The following DOCK1 variants were observed in gnomAD, a reference collection of about 807,000 sequenced individuals.
The protein encoded by DOCK1 is dedicator of cytokinesis 1.
DOCK1 carries 138 observed loss-of-function variants against 262.7 expected under a neutral mutation model. That is an observed-to-expected ratio of 0.53 (90% CI 0.46 to 0.61). The LOEUF (loss-of-function observed/expected upper bound fraction) is 0.61. DOCK1 is among the 20% of genes least tolerant of loss of function. DOCK1 has a pLI of 0.00. For missense variants in DOCK1, 1,908 were observed against 2,370.7 expected (o/e 0.80, Z 4.05); for synonymous variants, 866 against 867.4 (o/e 1.00, Z 0.03).
intron 23 of DOCK1, among the ~76,000 whole-genome samples, chr10:127,086,420 AT>A: frequency 6.6e-6 from 1 of 152,316 alleles, no homozygotes. Context: ...GTTTGGCATG[AT>A]TTTAGAAGTT....
At chr10:127,343,785 C>G (rs1384139823) in intron 31 of DOCK1, 39 bp downstream of exon 31, 1 of 1,470,808 alleles carries the variant, frequency 6.8e-7, no homozygotes, top group Non-Finnish European at 9.3e-7. Context: ...AGGCAGGAGC[C>G]TCCAACTCTA....
intron 29 of DOCK1, among the ~76,000 whole-genome samples, chr10:127,324,966 G>C (rs577208356): frequency 6.6e-6 from 1 of 152,052 alleles, no homozygotes; most frequent in Non-Finnish European, 1.5e-5. Flanking sequence ...TAGAACACAG[G>C]GTCCAGCGTT....
intron 1 of DOCK1, among the ~76,000 whole-genome samples, chr10:126,967,796 C>T (rs907144942): frequency 6.6e-6 from 1 of 152,134 alleles, no homozygotes. Context: ...AGGATTAACG[C>T]TCATCTCAAG....
chr10:127,016,858 A>AAC, intron 12 of DOCK1, among the ~76,000 whole-genome samples: 1 of 123,176 alleles, frequency 8.1e-6, no homozygotes, highest in South Asian at 2.7e-4. Flanking sequence ...AGATACCATA[A>AAC]ACACACACAC....
At chr10:127,093,006 G>A (rs1043742509) in intron 23 of DOCK1, among the ~76,000 whole-genome samples, 3 of 152,034 alleles carry the variant, frequency 2.0e-5, no homozygotes, top group African/African-American at 7.3e-5. Flanking sequence ...AAGTCCAAGA[G>A]CAAGGCATCA....
At chr10:127,025,948 C>T (rs544052209) in intron 15 of DOCK1, 9 of 212,674 alleles carry the variant, frequency 4.2e-5, no homozygotes, top group African/African-American at 1.7e-4. Context: ...CCCAGCTACT[C>T]GAGAGGCTGA....
In DOCK1 at chr10:127,032,190, G is replaced by T; in HGVS notation, c.1782G>T (p.Thr594=). 1 of 1,599,384 alleles carries T rather than the reference G, an allele frequency of 6.3e-7. No homozygotes were observed. The highest frequency in any genetic ancestry group is 1.1e-5 in the South Asian group (1 of 88,244). Residue 594 remains threonine, a synonymous_variant, in exon 18 of 52, where the codon ACG becomes ACT. Coordinates refer to ENST00000623213, the MANE Select transcript of DOCK1 (RefSeq NM_001290223.2). ...CCACGTACTTGAGTCTGCCCTCCAC[G>T]AAGGCAGAGTTGGAAGAAAAGGGCC... is the stretch of plus-strand genomic sequence containing the variant. ...DAATYLSLPS[T]KAELEEKGHS...
In DOCK1 at chr10:126,996,901, A is replaced by G. The variant is rs775853404; in HGVS notation, c.609+18A>G. ...AGGAAAAAGTAAGTTTGACTCTGTC[A>G]TATGCCATTCACGTTTTCTCAGTAA... On this transcript the variant is annotated intron_variant, in intron 7 of 51. Transcript: ENST00000623213. The G allele has an allele frequency of 1.5e-5, 23 of 1,568,650 alleles. No individual in the cohort carries two copies. Among genetic ancestry groups the G allele is most frequent in the Non-Finnish European group, 1.9e-5 (22 of 1,163,204 alleles).
At chr10:127,400,176 C>T (rs2134290124) in intron 38 of DOCK1, among the ~76,000 whole-genome samples, 1 of 126,130 alleles carries the variant, frequency 7.9e-6, no homozygotes, top group South Asian at 2.5e-4. Flanking sequence ...ATAACTTTTA[C>T]TCTCATCAAA....
chr10:127,363,578 TGAAAG>T (rs1276189297), intron 33 of DOCK1, among the ~76,000 whole-genome samples: 7 of 152,198 alleles, frequency 4.6e-5, no homozygotes, highest in African/African-American at 9.7e-5. Context: ...ATTCCTATAA[TGAAAG>T]GAAATCAAAA....
At chr10:127,421,483 T>C (rs762738899) in intron 46 of DOCK1, among the ~76,000 whole-genome samples, 18 of 152,170 alleles carry the variant, frequency 1.2e-4, no homozygotes, top group Non-Finnish European at 1.6e-4. Context: ...ACATAAAATT[T>C]CCCATCTTAA....
chr10:127,207,247 C>T (rs542029102), intron 27 of DOCK1, among the ~76,000 whole-genome samples: 1 of 152,308 alleles, frequency 6.6e-6, no homozygotes, highest in Non-Finnish European at 1.5e-5. Context: ...CTCCTAAAAT[C>T]TCCGTGAAAC....
At chr10:127,293,549 T>C (rs1266924273) in intron 29 of DOCK1, among the ~76,000 whole-genome samples, 1 of 152,186 alleles carries the variant, frequency 6.6e-6, no homozygotes, top group Non-Finnish European at 1.5e-5. Flanking sequence ...TTGAGGTGGA[T>C]GGAGGTCCTT....
At chr10:126,965,059 CAAG>C (rs1413185924) in intron 1 of DOCK1, among the ~76,000 whole-genome samples, 1 of 152,168 alleles carries the variant, frequency 6.6e-6, no homozygotes, top group African/African-American at 2.4e-5. Context: ...TTACCTCCCT[CAAG>C]GAGTTTGTGT....
Position 126,994,941 on chromosome 10 carries a change from G to A in DOCK1, c.474-1807G>A, listed in dbSNP as rs571873862. Among the ~76,000 whole-genome samples the A allele has an allele frequency of 1.7e-3, 261 of 151,256 alleles. 3 individuals are homozygous for A. The highest frequency in any genetic ancestry group is 6.1e-3 in the African/African-American group (250 of 41,200). On this transcript the variant is annotated intron_variant, in intron 6 of 51. Transcript: ENST00000623213. ...CTCCCGAACGGGGTGGCTGCCGGGT[G>A]GAGGGGCTCCTCACTTCTCAGATGG...
intron 29 of DOCK1, among the ~76,000 whole-genome samples, chr10:127,290,798 G>A (rs938867316): frequency 6.6e-6 from 1 of 152,112 alleles, no homozygotes; most frequent in Admixed American, 6.5e-5. Context: ...CCCATAATAT[G>A]GATATAGCAT....
At chr10:127,339,120 A>G in intron 30 of DOCK1, 36 bp downstream of exon 30, 2 of 1,523,428 alleles carry the variant, frequency 1.3e-6, no homozygotes, top group Non-Finnish European at 1.8e-6. Flanking sequence ...TTGTGGAGAA[A>G]TCATGTTAAA....
intron 21 of DOCK1, among the ~76,000 whole-genome samples, chr10:127,052,408 C>T: frequency 6.6e-6 from 1 of 151,860 alleles, no homozygotes; most frequent in East Asian, 1.9e-4. Context: ...CCTATAATTC[C>T]AACTACTTGG....
intron 27 of DOCK1, among the ~76,000 whole-genome samples, chr10:127,172,865 G>A (rs570325603): frequency 1.3e-5 from 2 of 152,308 alleles, no homozygotes; most frequent in South Asian, 4.1e-4. Context: ...ATTTCGTGAT[G>A]ATGGAAATGT....
Sources: allele counts gnomAD v4.1 joint callset (sites outside exome capture counted in the v4.1 genomes callset), GRCh38; gene constraint gnomAD v4.1.1; transcripts MANE v1.5; gene names NCBI Gene and HGNC (gene_info 2026-07-23, HGNC 2026-07-21).